The following AVIL variants were observed in gnomAD, a reference collection of about 807,000 sequenced individuals.
AVIL encodes the protein advillin.
A neutral mutation model predicts 109.9 loss-of-function variants in AVIL; 78 were observed. The ratio of observed to expected loss-of-function variants is 0.71; its 90% confidence interval spans 0.59 to 0.86. The LOEUF is 0.86. Among genes scored for constraint, AVIL ranks in the 40% least tolerant of loss-of-function variants. The pLI, the probability that AVIL is intolerant of heterozygous loss-of-function variation, is 0.00. For missense variants in AVIL, 892 were observed against 1,016.5 expected (o/e 0.88, Z 1.67); for synonymous variants, 367 against 379.1 (o/e 0.97, Z 0.37).
chr12:57,809,316 T>G (rs1195996601), intron 9 of AVIL: 1 of 465,524 alleles, frequency 2.1e-6, no homozygotes, highest in Non-Finnish European at 3.9e-6. Flanking sequence ...GCTTTACAAA[T>G]GATATTTAAT....
intron 11 of AVIL, 86 bp downstream of exon 11, chr12:57,808,108 C>A: frequency 6.9e-7 from 1 of 1,457,676 alleles, no homozygotes; most frequent in South Asian, 1.2e-5. Flanking sequence ...GCAAAGCAGA[C>A]ACAGAATCAC....
chr12:57,802,158 A>G lies in AVIL; in HGVS notation c.2151+2T>C. 1 of 1,613,704 alleles carries G rather than the reference A, an allele frequency of 6.2e-7. No individual in the cohort carries two copies. ...TAGAGCTTCCCTACTCTCTTTTCTT[A>G]CACTCCAAATGTTAGGGTCCCAGGC... is the stretch of plus-strand genomic sequence containing the variant. On this transcript the variant is annotated splice_donor_variant, in intron 17 of 19. Coordinates refer to ENST00000549994, the MANE Select transcript of AVIL (RefSeq NM_006576.4). LOFTEE classifies it high-confidence loss of function.
Position 57,810,890 on chromosome 12 carries a change from C to T in AVIL, c.484G>A (p.Val162Ile), listed in dbSNP as rs201778799. 2.1e-5 allele frequency: 34 copies of T among 1,614,088 alleles called. No individual in the cohort carries two copies. Among genetic ancestry groups the T allele is most frequent in the Admixed American group, 8.3e-5 (5 of 60,006 alleles). The change falls in exon 6 of 20, where the codon GTC becomes ATC. Residue 162 changes from valine to isoleucine, a missense_variant. Val to Ile is a conservative substitution (Grantham distance 29, BLOSUM62 3). Transcript: ENST00000549994. Reference protein sequence around the residue: ...MSWDSFNRGDVFLLDLGKVII... With the variant: ...MSWDSFNRGDIFLLDLGKVII... ...ACTTTCCCAAGGTCCAGCAAGAAGA[C>T]ATCACCTCGGTTGAAACTGTCCCAG...
Position 57,803,518 on chromosome 12 carries a change from C to T in AVIL, c.1817+6G>A. The T allele has an allele frequency of 6.2e-7, 1 of 1,614,178 alleles. No homozygotes were observed. Among genetic ancestry groups the T allele is most frequent in the Non-Finnish European group, 8.5e-7 (1 of 1,180,024 alleles). On this transcript the variant is annotated splice_donor_region_variant and intron_variant, in intron 15 of 19. Coordinates refer to ENST00000549994, the MANE Select transcript of AVIL (RefSeq NM_006576.4). ...CCCAGAAGAGGGGGAGGCTGTGTTC[C>T]CATACCTTTTATCATTGGCATAGGG... is the stretch of plus-strand genomic sequence containing the variant.
In AVIL at chr12:57,814,381, G is replaced by A. The variant is rs1021469; in HGVS notation, c.67-155C>T. On this transcript the variant is annotated intron_variant, in intron 2 of 19. Coordinates refer to ENST00000549994, the MANE Select transcript of AVIL (RefSeq NM_006576.4). Reference sequence around the variant, plus strand: ...AGGATGTGAGGCTGCCAGCCACAGGGTTAACGTGGCCATCCCTCTGGCTTC... The same window carrying A: ...AGGATGTGAGGCTGCCAGCCACAGGATTAACGTGGCCATCCCTCTGGCTTC... 233,285 of 702,464 alleles carry A rather than the reference G, an allele frequency of 0.33. 43,061 individuals carry two copies. Among genetic ancestry groups the A allele is most frequent in the East Asian group, 0.7 (25,087 of 35,896 alleles). 43.5% of individuals were successfully genotyped at this position (702,464 alleles called of 1,614,324 possible). A position where few individuals can be genotyped will look rare whatever the true frequency, so the allele number is the denominator to read the frequency against.
rs1235853062 is a variant in AVIL at position 57,797,763 on chromosome 12, C to A, written c.*119G>T. The A allele has an allele frequency of 3.6e-6, 3 of 840,868 alleles. No individual in the cohort carries two copies. Among genetic ancestry groups the A allele is most frequent in the Non-Finnish European group, 5.1e-6 (3 of 591,198 alleles). The allele number at this position is 840,868 out of a possible 1,614,324, so 52.1% of individuals were successfully genotyped here. A position where few individuals can be genotyped will look rare whatever the true frequency, so the allele number is the denominator to read the frequency against. On this transcript the variant is annotated 3_prime_UTR_variant, in exon 20 of 20. Coordinates refer to ENST00000549994, the MANE Select transcript of AVIL (RefSeq NM_006576.4). Reference sequence around the variant, plus strand: ...GAGAACATGCCGTGATTTGCAGACTCTATTATATCTAAATTAAGTAGCTGA... The same window carrying A: ...GAGAACATGCCGTGATTTGCAGACTATATTATATCTAAATTAAGTAGCTGA...
At chr12:57,816,097 T>G in intron 1 of AVIL, 38 bp from the exon 2 acceptor site, 46 of 1,531,530 alleles carry the variant, frequency 3.0e-5, no homozygotes, top group Non-Finnish European at 3.8e-5. Flanking sequence ...ATGATATCTC[T>G]TGCCATAGTG....
chr12:57,799,926 T>A lies in AVIL; in HGVS notation c.2221-6A>T. 1 of 1,614,102 alleles carries A rather than the reference T, an allele frequency of 6.2e-7. No homozygotes were observed. Among genetic ancestry groups the A allele is most frequent in the Non-Finnish European group, 8.5e-7 (1 of 1,179,970 alleles). On this transcript the variant is annotated splice_polypyrimidine_tract_variant and splice_region_variant and intron_variant, in intron 18 of 19. Transcript: ENST00000549994. Reference sequence around the variant, plus strand: ...AGGGTTGCATTCTTCATGTCCTAGGTAAGATAAGAATGTAGGCACAGGGAA... The same window carrying A: ...AGGGTTGCATTCTTCATGTCCTAGGAAAGATAAGAATGTAGGCACAGGGAA...
intron 1 of AVIL, 31 bp from the exon 2 acceptor site, chr12:57,816,090 A>C (rs772212773): frequency 7.1e-6 from 11 of 1,556,994 alleles, no homozygotes; most frequent in South Asian, 5.9e-5. Flanking sequence ...AGGGGAGATG[A>C]TATCTCTTGC....
At chr12:57,798,793 T>C (rs1565827324) in intron 19 of AVIL, among the ~76,000 whole-genome samples, 2 of 152,082 alleles carry the variant, frequency 1.3e-5, no homozygotes, top group South Asian at 4.2e-4. Flanking sequence ...ATTTTTGTAT[T>C]TTTAGTACAG....
chr12:57,807,837 C>T, intron 11 of AVIL, 110 bp from the exon 12 acceptor site: 1 of 1,448,276 alleles, frequency 6.9e-7, no homozygotes, highest in Non-Finnish European at 9.7e-7. Context: ...ACTCCATGTT[C>T]CCTTTCTCCC....
chr12:57,797,822 C>A lies in AVIL; in HGVS notation c.*60G>T. 1 of 1,279,522 alleles carries A rather than the reference C, an allele frequency of 7.8e-7. No homozygotes were observed. Among genetic ancestry groups the A allele is most frequent in the Non-Finnish European group, 1.1e-6 (1 of 943,026 alleles). The allele number at this position is 1,279,522 out of a possible 1,614,324, so 79.3% of individuals were successfully genotyped here. ...CAGAAATTGGTGGATAAATTATTTCCTGATATTGGCACTATCTGCTCTTTT... is the reference window on the plus strand; with the variant it reads ...CAGAAATTGGTGGATAAATTATTTCATGATATTGGCACTATCTGCTCTTTT... On this transcript the variant is annotated 3_prime_UTR_variant, in exon 20 of 20. Coordinates refer to ENST00000549994, the MANE Select transcript of AVIL (RefSeq NM_006576.4).
At position 57,806,539 on chromosome 12, in the gene AVIL, C is replaced by T. The variant is rs372000272; in HGVS notation, c.1492G>A (p.Gly498Ser). ...IFKGKLVIFE[G>S]GTSRKGNAEP... The stretch of plus-strand genomic sequence containing the variant: ...GCATTTCCCTTCCTGGAAGTCCCAC[C>T]CTAGAGAGAAGAAAAGCAGAGTCCA... The change falls in exon 14 of 20, where the codon GGT (glycine) becomes AGT (serine). Residue 498 changes from glycine to serine, a missense_variant and splice_region_variant. Transcript: ENST00000549994. The T allele has an allele frequency of 3.6e-5, 58 of 1,613,708 alleles. No homozygotes were observed. The highest frequency in any genetic ancestry group is 4.9e-5 in the Non-Finnish European group (58 of 1,179,944).
chr12:57,805,238 G>A (rs1359449572), intron 14 of AVIL, among the ~76,000 whole-genome samples: 2 of 151,572 alleles, frequency 1.3e-5, no homozygotes, highest in Non-Finnish European at 2.9e-5. Context: ...TGTATTTTTA[G>A]TAGAGGCGGG....
At chr12:57,803,853 CA>C in intron 14 of AVIL, 184 bp from the exon 15 acceptor site, 1 of 790,144 alleles carries the variant, frequency 1.3e-6, no homozygotes, top group East Asian at 2.7e-5. Flanking sequence ...CAGTGTGGGG[CA>C]AAGAACAGGA....
At position 57,818,412 on chromosome 12, in the gene AVIL, C is replaced by G. The variant is rs528245268; in HGVS notation, c.-20+217G>C. Among the ~76,000 whole-genome samples, 13 of 152,106 alleles carry G rather than the reference C, an allele frequency of 8.5e-5. No homozygotes were observed. The South Asian group carries it at 2.5e-3, about 29-fold the overall frequency. ...CTAGGGATAGGTGAAAGGGGTCTGT[C>G]TTTCCCAGCTTTTGAAAATGTGCCC... On this transcript the variant is annotated intron_variant, in intron 1 of 19. Coordinates refer to ENST00000549994, the MANE Select transcript of AVIL (RefSeq NM_006576.4).
chr12:57,813,083 A>G (rs968765904), intron 4 of AVIL, 144 bp downstream of exon 4: 4 of 1,047,088 alleles, frequency 3.8e-6, no homozygotes, highest in Non-Finnish European at 5.4e-6. Context: ...CAGCTGTTTA[A>G]TCTGCTGCTC....
At chr12:57,806,040 T>C (rs2140447504) in intron 14 of AVIL, 1 of 260,738 alleles carries the variant, frequency 3.8e-6, no homozygotes, top group South Asian at 4.2e-5. Flanking sequence ...TTTCACCATG[T>C]TGGCCAGGCT....
intron 4 of AVIL, among the ~76,000 whole-genome samples, chr12:57,811,770 A>G (rs369135446): frequency 6.6e-6 from 1 of 152,226 alleles, no homozygotes; most frequent in Non-Finnish European, 1.5e-5. Flanking sequence ...CAGCCTCACA[A>G]TTCTCAAGCT....
Sources: allele counts gnomAD v4.1 joint callset (sites outside exome capture counted in the v4.1 genomes callset), GRCh38; gene constraint gnomAD v4.1.1; transcripts MANE v1.5; gene names NCBI Gene and HGNC (gene_info 2026-07-23, HGNC 2026-07-21).